The following ACAP2 variants were observed in gnomAD, a reference collection of about 807,000 sequenced individuals.
ACAP2 encodes the protein arf-GAP with coiled-coil, ANK repeat and PH domain-containing protein 2.
ACAP2 carries 39 observed loss-of-function variants against 115.8 expected under a neutral mutation model. The observed-to-expected ratio is 0.34, with a 90% confidence interval of 0.26 to 0.44. The LOEUF (loss-of-function observed/expected upper bound fraction) is 0.44, where lower values mean the gene tolerates loss of function less well. Among genes scored for constraint, ACAP2 ranks in the 20% least tolerant of loss-of-function variants. The pLI, the probability that ACAP2 is intolerant of heterozygous loss-of-function variation, is 1.00. For synonymous variants in ACAP2, 289 were observed against 315.8 expected, an observed-to-expected ratio of 0.92 and a Z score of 0.90; for missense variants, 662 against 927.6, an observed-to-expected ratio of 0.71 and a Z score of 3.72.
At chr3:195,321,363 C>T (rs137954361) in intron 9 of ACAP2, among the ~76,000 whole-genome samples, 510 of 151,388 alleles carry the variant, frequency 3.4e-3, no homozygotes, top group South Asian at 6.1e-3. Flanking sequence ...GCTCGAATTA[C>T]GGACATACGC....
chr3:195,314,326 G>A (rs530681820), intron 10 of ACAP2, among the ~76,000 whole-genome samples: 37 of 151,910 alleles, frequency 2.4e-4, no homozygotes, highest in Non-Finnish European at 4.3e-4. Flanking sequence ...GAGTGCAGTG[G>A]TAAAATCTCG....
chr3:195,418,107 ACTTACAGTT>A (rs1278482857), intron 1 of ACAP2, among the ~76,000 whole-genome samples: 1 of 152,020 alleles, frequency 6.6e-6, no homozygotes, highest in Non-Finnish European at 1.5e-5. Context: ...GGGCCTTTGG[ACTTACAGTT>A]CTCTCTGCCA....
intron 22 of ACAP2, among the ~76,000 whole-genome samples, chr3:195,284,176 T>C (rs1263373439): frequency 6.6e-6 from 1 of 152,166 alleles, no homozygotes; most frequent in African/African-American, 2.4e-5. Context: ...AACCAAACAC[T>C]GAAGTTAAAA....
intron 12 of ACAP2, 40 bp from the exon 13 acceptor site, chr3:195,306,656 T>A (rs377366530): frequency 6.8e-7 from 1 of 1,477,582 alleles, no homozygotes; most frequent in Non-Finnish European, 9.4e-7. Context: ...GACACTAAGT[T>A]AATGCCAAAA....
In ACAP2 at chr3:195,307,337, A is replaced by G; in HGVS notation, c.910-14T>C. The G allele has an allele frequency of 6.4e-7, 1 of 1,556,182 alleles. No individual in the cohort carries two copies. Among genetic ancestry groups the G allele is most frequent in the Non-Finnish European group, 8.8e-7 (1 of 1,139,986 alleles). On this transcript the variant is annotated splice_polypyrimidine_tract_variant and intron_variant, in intron 11 of 22. Coordinates refer to ENST00000326793, the MANE Select transcript of ACAP2 (RefSeq NM_012287.6). ...AGTCGGATTATCCTATAGTGAGGAA[A>G]CCAAATTTCCATATTTTTCCACTTA...
chr3:195,386,644 T>C (rs1734323884), intron 2 of ACAP2, among the ~76,000 whole-genome samples: 1 of 151,828 alleles, frequency 6.6e-6, no homozygotes, highest in African/African-American at 2.4e-5. Flanking sequence ...GCCTGTCAGG[T>C]GCGGGGCAAG....
chr3:195,342,962 C>G (rs540496867), intron 5 of ACAP2, among the ~76,000 whole-genome samples: 1 of 150,834 alleles, frequency 6.6e-6, no homozygotes, highest in East Asian at 2.0e-4. Flanking sequence ...CACCACTATA[C>G]TCCAGCCTGG....
At chr3:195,292,216 T>C in intron 19 of ACAP2, 49 bp downstream of exon 19, 1 of 1,507,114 alleles carries the variant, frequency 6.6e-7, no homozygotes, top group Non-Finnish European at 8.8e-7. Flanking sequence ...ATTATGATTT[T>C]TTTTAAATAT....
In ACAP2 at chr3:195,365,997, A is replaced by G. The variant is rs112289506; in HGVS notation, c.285+15012T>C. Among the ~76,000 whole-genome samples the G allele has an allele frequency of 4.7e-3, 710 of 152,106 alleles. 6 individuals are homozygous for G. The highest frequency in any genetic ancestry group is 0.016 in the African/African-American group (670 of 41,496). On this transcript the variant is annotated intron_variant, in intron 4 of 22. Transcript: ENST00000326793. ...GCTGGGATTACAGGCACGCGCCACC[A>G]CACCCGAATAATTTTTGTATTTTTA... is the stretch of plus-strand genomic sequence containing the variant.
intron 15 of ACAP2, among the ~76,000 whole-genome samples, chr3:195,299,809 G>A (rs191804986): frequency 6.6e-6 from 1 of 152,178 alleles, no homozygotes; most frequent in Non-Finnish European, 1.5e-5. Flanking sequence ...CTGCACTCCA[G>A]CTTGGGCGAC....
At chr3:195,308,653 C>T in intron 11 of ACAP2, 133 bp downstream of exon 11, 2 of 761,314 alleles carry the variant, frequency 2.6e-6, no homozygotes, top group Admixed American at 3.4e-5. Context: ...CCTCTTATAC[C>T]TGCTCAAACA....
At chr3:195,331,501 C>T (rs558263801) in intron 8 of ACAP2, among the ~76,000 whole-genome samples, 20 of 151,606 alleles carry the variant, frequency 1.3e-4, no homozygotes, top group African/African-American at 3.6e-4. Flanking sequence ...TTAGTAGAGA[C>T]GGGGTTTCAC....
chr3:195,404,802 CTT>C (rs938693453), intron 1 of ACAP2, among the ~76,000 whole-genome samples: 1 of 139,756 alleles, frequency 7.2e-6, no homozygotes, highest in Non-Finnish European at 1.6e-5. Flanking sequence ...ATAATTTTTT[CTT>C]TTTTTTTTTT....
chr3:195,394,129 T>C (rs1352981757), intron 1 of ACAP2, among the ~76,000 whole-genome samples: 3 of 152,154 alleles, frequency 2.0e-5, no homozygotes, highest in Non-Finnish European at 4.4e-5. Flanking sequence ...CCCCAAGACA[T>C]GGTCCTCCTG....
In ACAP2 at chr3:195,308,771, T is replaced by C. The variant is rs12497478; in HGVS notation, c.909+15A>G. The C allele has an allele frequency of 0.024, 37,772 of 1,605,758 alleles. 1,266 individuals carry two copies. The highest frequency in any genetic ancestry group is 0.098 in the Admixed American group (5,806 of 59,106). Reference sequence around the variant, plus strand: ...AAACTGGTAACTCACTGGGGTTTCATTTATTAACACCTACCTTAAATTTTT... The same window carrying C: ...AAACTGGTAACTCACTGGGGTTTCACTTATTAACACCTACCTTAAATTTTT... On this transcript the variant is annotated intron_variant, in intron 11 of 22. Coordinates refer to ENST00000326793, the MANE Select transcript of ACAP2 (RefSeq NM_012287.6).
intron 15 of ACAP2, among the ~76,000 whole-genome samples, chr3:195,299,795 G>A (rs901377541): frequency 4.6e-5 from 7 of 150,848 alleles, no homozygotes; most frequent in African/African-American, 7.3e-5. Flanking sequence ...TCAAGATCGC[G>A]CCACTGCACT....
chr3:195,295,654 A>T lies in ACAP2; in HGVS notation c.1672+54T>A, dbSNP rs1027692537. On this transcript the variant is annotated intron_variant, in intron 17 of 22. Transcript: ENST00000326793. ...TGGCTATTAGTTCAGGGATTATAAAAGTGATTTGAGCTTAAGAAAATAGCT... is the reference window on the plus strand; with the variant it reads ...TGGCTATTAGTTCAGGGATTATAAATGTGATTTGAGCTTAAGAAAATAGCT... 2.7e-5 allele frequency: 43 copies of T among 1,588,948 alleles called. 1 individual carries two copies. The highest frequency in any genetic ancestry group is 1.4e-5 in the Non-Finnish European group (16 of 1,161,328).
At chr3:195,291,131 A>G (rs1198861312) in intron 20 of ACAP2, among the ~76,000 whole-genome samples, 1 of 152,178 alleles carries the variant, frequency 6.6e-6, no homozygotes, top group Non-Finnish European at 1.5e-5. Context: ...TTAAGACACA[A>G]ATTTTTCACA....
At chr3:195,297,734 C>T (rs1727751188) in intron 15 of ACAP2, among the ~76,000 whole-genome samples, 1 of 152,194 alleles carries the variant, frequency 6.6e-6, no homozygotes, top group Non-Finnish European at 1.5e-5. Flanking sequence ...TAGAAATATG[C>T]AAATCTATCA....
Sources: allele counts gnomAD v4.1 joint callset (sites outside exome capture counted in the v4.1 genomes callset), GRCh38; gene constraint gnomAD v4.1.1; transcripts MANE v1.5; gene names NCBI Gene and HGNC (gene_info 2026-07-23, HGNC 2026-07-21).